Variants in ADAMTS18 observed in about 807,000 individuals in gnomAD.
The protein encoded by ADAMTS18 is ADAM metallopeptidase with thrombospondin type 1 motif 18.
A neutral mutation model predicts 165.9 loss-of-function variants in ADAMTS18; 157 were observed. The ratio of observed to expected loss-of-function variants is 0.95; its 90% CI spans 0.83 to 1.08. The LOEUF is 1.08. ADAMTS18 is among the 50% of genes least tolerant of loss of function. The pLI, the probability that ADAMTS18 is intolerant of heterozygous loss-of-function variation, is 0.00. For missense variants in ADAMTS18, 2,040 were observed against 1,534.0 expected (o/e 1.33, Z -5.51); for synonymous variants, 782 against 578.2 (o/e 1.35, Z -5.06).
intron 19 of ADAMTS18, 76 bp from the exon 20 acceptor site, chr16:77,293,334 T>G: frequency 8.4e-7 from 1 of 1,193,404 alleles, no homozygotes; most frequent in South Asian, 1.2e-5. Context: ...AACAACACAC[T>G]AAATATATTC....
At chr16:77,385,464 G>C (rs1332184062) in intron 3 of ADAMTS18, among the ~76,000 whole-genome samples, 5 of 152,106 alleles carry the variant, frequency 3.3e-5, no homozygotes, top group African/African-American at 1.2e-4. Flanking sequence ...CCAATTTTTG[G>C]AATCAGTGAT....
chr16:77,315,834 G>A (rs1364896814), intron 16 of ADAMTS18, among the ~76,000 whole-genome samples: 2 of 152,140 alleles, frequency 1.3e-5, no homozygotes, highest in Admixed American at 1.3e-4. Context: ...TTCATTCCAA[G>A]GCTTTTTTCA....
rs144693180 is a variant in ADAMTS18 at position 77,383,730 on chromosome 16, A to C, written c.496-16007T>G. On this transcript the variant is annotated intron_variant, in intron 3 of 22. Coordinates refer to ENST00000282849, the MANE Select transcript of ADAMTS18 (RefSeq NM_199355.4). ...GCTAATTTTTGTGACTTTAGTAGAG[A>C]TGGGGTTTCACCATCTTGGTCAGGC... Among the ~76,000 whole-genome samples, 1,156 of 152,214 alleles carry C rather than the reference A, an allele frequency of 7.6e-3. 14 individuals are homozygous for C. The highest frequency in any genetic ancestry group is 0.025 in the African/African-American group (1,038 of 41,522).
At position 77,431,379 on chromosome 16, in the gene ADAMTS18, T is replaced by A; in HGVS notation, c.411A>T (p.Lys137Asn). Residue 137 changes from lysine (K) to asparagine (N), a missense_variant, in exon 3 of 23, where the codon AAA (lysine) becomes AAT (asparagine). By Grantham distance (94) the Lys-to-Asn change is moderately conservative. Coordinates refer to ENST00000282849, the MANE Select transcript of ADAMTS18 (RefSeq NM_199355.4). ...GATAGAAGCATTGCTGCACCTCGGGTTTCTGAGTCTCTGAAGCACCATCTT... is the reference window on the plus strand; with the variant it reads ...GATAGAAGCATTGCTGCACCTCGGGATTCTGAGTCTCTGAAGCACCATCTT... ...LGKDGASETQKPEVQQCFYQG... is the reference protein window; with the variant it reads ...LGKDGASETQNPEVQQCFYQG... The A allele has an allele frequency of 1.2e-6, 2 of 1,614,016 alleles. No individual in the cohort carries two copies. Among genetic ancestry groups the A allele is most frequent in the Non-Finnish European group, 1.7e-6 (2 of 1,180,008 alleles).
intron 1 of ADAMTS18, 31 bp downstream of exon 1, chr16:77,434,575 C>G (rs766297871): frequency 2.0e-5 from 31 of 1,529,600 alleles, no homozygotes; most frequent in South Asian, 3.6e-5. Context: ...CCCTGCCACC[C>G]GCTCTCGGAG....
At chr16:77,310,466 T>C (rs2055759786) in intron 16 of ADAMTS18, among the ~76,000 whole-genome samples, 1 of 152,180 alleles carries the variant, frequency 6.6e-6, no homozygotes, top group Non-Finnish European at 1.5e-5. Flanking sequence ...CAAAGTCACA[T>C]AGTTTGTAGC....
In ADAMTS18 at chr16:77,291,317, G is replaced by A. The variant is rs768546369; in HGVS notation, c.3351C>T (p.Ala1117=). The A allele has an allele frequency of 5.0e-6, 8 of 1,614,050 alleles. No individual in the cohort carries two copies. In the South Asian group the frequency reaches 8.8e-5, roughly 18 times the overall value. Residue 1117 remains alanine (A), a synonymous_variant, in exon 21 of 23, where the codon GCC becomes GCT. Coordinates refer to ENST00000282849, the MANE Select transcript of ADAMTS18 (RefSeq NM_199355.4). ...EETCNRRACP[A]HPVYNMVAGW... is the part of the protein sequence containing the mutation. ...CAGCTACCATGTTGTACACTGGATGGGCTGGGCAAGCCCGTCGGTTGCAGG... is the reference window on the plus strand; with the variant it reads ...CAGCTACCATGTTGTACACTGGATGAGCTGGGCAAGCCCGTCGGTTGCAGG...
At chr16:77,354,188 T>G (rs1421977269) in intron 9 of ADAMTS18, among the ~76,000 whole-genome samples, 2 of 152,128 alleles carry the variant, frequency 1.3e-5, no homozygotes, top group African/African-American at 4.8e-5. Flanking sequence ...ATCAACAATC[T>G]TATTCAACAA....
At chr16:77,426,346 GA>G (rs563929716) in intron 3 of ADAMTS18, among the ~76,000 whole-genome samples, 4 of 149,450 alleles carry the variant, frequency 2.7e-5, no homozygotes, top group East Asian at 2.0e-4. Context: ...ATGCTCCTTG[GA>G]AAAAAAAAAT....
chr16:77,329,029 G>A lies in ADAMTS18; in HGVS notation c.1860-2991C>T, dbSNP rs190249568. Among the ~76,000 whole-genome samples the A allele has an allele frequency of 1.5e-3, 230 of 152,218 alleles. 2 individuals carry two copies. The highest frequency in any genetic ancestry group is 5.3e-3 in the African/African-American group (219 of 41,532). ...AACTGAGTTCTTAGGCCATGGGGCC[G>A]GGTATGGAAAGAAAGAATAGACAGT... On this transcript the variant is annotated intron_variant, in intron 12 of 22. Transcript: ENST00000282849.
At chr16:77,350,654 G>A (rs1225590236) in intron 10 of ADAMTS18, among the ~76,000 whole-genome samples, 1 of 152,118 alleles carries the variant, frequency 6.6e-6, no homozygotes, top group Non-Finnish European at 1.5e-5. Flanking sequence ...ATGTGTGAAC[G>A]TTCAAAATTG....
chr16:77,374,216 C>T (rs1274363478), intron 3 of ADAMTS18, among the ~76,000 whole-genome samples: 1 of 138,440 alleles, frequency 7.2e-6, no homozygotes, highest in African/African-American at 2.9e-5. Flanking sequence ...GAGACTCCAT[C>T]TCAAAAAAAA....
intron 3 of ADAMTS18, among the ~76,000 whole-genome samples, chr16:77,412,409 G>A (rs189885466): frequency 1.4e-3 from 213 of 152,154 alleles, no homozygotes; most frequent in Admixed American, 3.4e-3. Context: ...ACGGCAGCCT[G>A]CAATTCATGG....
At chr16:77,324,957 G>C (rs1274601351) in intron 13 of ADAMTS18, among the ~76,000 whole-genome samples, 2 of 152,120 alleles carry the variant, frequency 1.3e-5, no homozygotes, top group Non-Finnish European at 2.9e-5. Flanking sequence ...TCCTGAAATG[G>C]CTAGGCTGAT....
At chr16:77,342,794 C>A (rs1476137345) in intron 10 of ADAMTS18, among the ~76,000 whole-genome samples, 2 of 152,148 alleles carry the variant, frequency 1.3e-5, no homozygotes, top group Non-Finnish European at 2.9e-5. Context: ...CAATTGAGGT[C>A]ATCATCAATT....
At chr16:77,356,112 G>C (rs766815178) in intron 8 of ADAMTS18, 35 bp from the exon 9 acceptor site, 2 of 1,613,698 alleles carry the variant, frequency 1.2e-6, no homozygotes, top group African/African-American at 1.3e-5. Context: ...ATCCTGCTTT[G>C]TGAACCCATT....
chr16:77,425,224 T>C (rs560839472), intron 3 of ADAMTS18, among the ~76,000 whole-genome samples: 1 of 152,088 alleles, frequency 6.6e-6, no homozygotes, highest in South Asian at 2.1e-4. Context: ...CAGCCAGCCA[T>C]GGGGGAGAAA....
At chr16:77,379,601 A>C (rs1490175292) in intron 3 of ADAMTS18, among the ~76,000 whole-genome samples, 1 of 152,032 alleles carries the variant, frequency 6.6e-6, no homozygotes, top group Non-Finnish European at 1.5e-5. Flanking sequence ...CGATTCTCCC[A>C]CCTCAGCCTC....
chr16:77,408,246 G>C (rs10153156), intron 3 of ADAMTS18, among the ~76,000 whole-genome samples: 86,457 of 151,916 alleles, frequency 0.57, 25,063 homozygotes, highest in Non-Finnish European at 0.63. Flanking sequence ...CTTGTGTGGA[G>C]AGTTTGTGGG....
Sources: allele counts gnomAD v4.1 joint callset (sites outside exome capture counted in the v4.1 genomes callset), GRCh38; gene constraint gnomAD v4.1.1; transcripts MANE v1.5; gene names NCBI Gene and HGNC (gene_info 2026-07-23, HGNC 2026-07-21).